Variants in BFSP2 observed in about 807,000 individuals in gnomAD.
The protein encoded by BFSP2 is beaded filament structural protein 2.
In BFSP2, 38 loss-of-function variants were observed where a neutral mutation model predicts 44.9. The ratio of observed to expected loss-of-function variants is 0.85; its 90% CI spans 0.65 to 1.11. BFSP2 has a LOEUF of 1.11. Among genes scored for constraint, BFSP2 ranks in the 50% least tolerant of loss-of-function variants. The probability of loss-of-function intolerance (pLI) is 0.00; values close to 1 mark genes in which losing one functional copy is unlikely to be tolerated. For missense variants in BFSP2, 525 were observed against 533.0 expected, an observed-to-expected ratio of 0.99 and a Z score of 0.15; for synonymous variants, 197 against 209.9, an observed-to-expected ratio of 0.94 and a Z score of 0.53.
intron 1 of BFSP2, among the ~76,000 whole-genome samples, chr3:133,414,941 A>C (rs1215238706): frequency 5.4e-3 from 157 of 28,914 alleles, no homozygotes; most frequent in East Asian, 7.6e-3. Context: ...TCACCCCTCT[A>C]CTCACCCTGC....
intron 1 of BFSP2, among the ~76,000 whole-genome samples, chr3:133,413,899 C>T (rs1391787561): frequency 1.3e-5 from 2 of 151,870 alleles, no homozygotes; most frequent in African/African-American, 4.8e-5. Flanking sequence ...AGTTAGAAAG[C>T]CCCCGCATTT....
At chr3:133,423,565 CG>C (rs1232649017) in intron 1 of BFSP2, among the ~76,000 whole-genome samples, 5 of 5,656 alleles carry the variant, frequency 8.8e-4, no homozygotes, top group Admixed American at 5.1e-3. Flanking sequence ...GGGGAGGCGG[CG>C]GGGGCGGGGG....
intron 4 of BFSP2, among the ~76,000 whole-genome samples, chr3:133,457,901 G>C (rs2074026735): frequency 6.6e-6 from 1 of 152,176 alleles, no homozygotes; most frequent in Non-Finnish European, 1.5e-5. Context: ...CTACTGCTGG[G>C]CACTGAGGGT....
intron 5 of BFSP2, among the ~76,000 whole-genome samples, 176 bp from the exon 6 acceptor site, chr3:133,472,169 A>G (rs1449696847): frequency 2.0e-5 from 3 of 151,436 alleles, no homozygotes; most frequent in Non-Finnish European, 1.5e-5. Context: ...GGGATTCCTT[A>G]TTTTTCCCAC....
At chr3:133,425,765 G>A (rs1185489618) in intron 1 of BFSP2, among the ~76,000 whole-genome samples, 5 of 59,660 alleles carry the variant, frequency 8.4e-5, no homozygotes, top group African/African-American at 1.3e-4. Context: ...ACAAAGGGAT[G>A]GGAAAGGGAA....
At chr3:133,422,796 A>ATAGCCCAGGTGTTGCCAAACG (rs1160394463) in intron 1 of BFSP2, among the ~76,000 whole-genome samples, 2 of 150,486 alleles carry the variant, frequency 1.3e-5, no homozygotes, top group African/African-American at 2.4e-5. Context: ...GTTGCCAAAT[A>ATAGCCCAGGTGTTGCCAAACG]GCAGGGTAGG....
In BFSP2 at chr3:133,447,368, A is replaced by G. The variant is rs771716007; in HGVS notation, c.541A>G (p.Ile181Val). The G allele has an allele frequency of 3.1e-6, 5 of 1,613,998 alleles. No individual in the cohort carries two copies. Among genetic ancestry groups the G allele is most frequent in the Non-Finnish European group, 4.2e-6 (5 of 1,179,976 alleles). ...NARLMLQTET[I>V]QAGADDFKER... ...CCGGCTCATGCTGCAGACAGAAACT[A>G]TCCAGGCCGGAGCAGATGACTTTAA... Residue 181 changes from isoleucine (I) to valine (V), a missense_variant, in exon 2 of 7, where the codon ATC (isoleucine) becomes GTC (valine). Physicochemically the swap from Ile to Val is conservative, Grantham distance 29. Coordinates refer to ENST00000302334, the MANE Select transcript of BFSP2 (RefSeq NM_003571.4).
At chr3:133,462,736 C>T (rs997243314) in intron 4 of BFSP2, among the ~76,000 whole-genome samples, 7 of 152,210 alleles carry the variant, frequency 4.6e-5, no homozygotes, top group Non-Finnish European at 1.0e-4. Flanking sequence ...ACACCTATAA[C>T]TTCAGCATGA....
intron 4 of BFSP2, among the ~76,000 whole-genome samples, chr3:133,465,001 CTT>C (rs71136470): frequency 2.3e-4 from 30 of 132,066 alleles, no homozygotes; most frequent in South Asian, 1.5e-3. Context: ...CTTGGGGTTT[CTT>C]TTTTTTTTTT....
At chr3:133,431,676 G>A (rs1320339822) in intron 1 of BFSP2, among the ~76,000 whole-genome samples, 2 of 152,064 alleles carry the variant, frequency 1.3e-5, no homozygotes, top group Non-Finnish European at 2.9e-5. Context: ...CGGAGGGTAA[G>A]TCCATCCCCT....
At chr3:133,424,236 T>G (rs1363016882) in intron 1 of BFSP2, among the ~76,000 whole-genome samples, 123,230 of 145,522 alleles carry the variant, frequency 0.85, 52,489 homozygotes, top group Middle Eastern at 0.94. Flanking sequence ...TTTTTTTTTT[T>G]TTTTTGTATT....
chr3:133,436,695 T>C (rs1285884487), intron 1 of BFSP2, among the ~76,000 whole-genome samples: 5 of 152,198 alleles, frequency 3.3e-5, no homozygotes, highest in Non-Finnish European at 7.3e-5. Context: ...CATGTTGGTG[T>C]GCTGCACCCA....
intron 5 of BFSP2, among the ~76,000 whole-genome samples, chr3:133,467,841 C>T (rs114978396): frequency 0.013 from 1,966 of 152,048 alleles, 15 homozygotes; most frequent in Non-Finnish European, 0.021. Context: ...GTCAATGAGG[C>T]GCATGATAGG....
At chr3:133,414,891 G>GCC (rs2073499859) in intron 1 of BFSP2, among the ~76,000 whole-genome samples, 1 of 88,340 alleles carries the variant, frequency 1.1e-5, no homozygotes, top group African/African-American at 4.6e-5. Flanking sequence ...ACTCATCCCT[G>GCC]TCCTCTCCCC....
chr3:133,454,006 G>T (rs1261842376), intron 4 of BFSP2, among the ~76,000 whole-genome samples: 1 of 152,116 alleles, frequency 6.6e-6, no homozygotes, highest in East Asian at 1.9e-4. Context: ...GGATCAGATT[G>T]GTCCAGAGAA....
intron 1 of BFSP2, among the ~76,000 whole-genome samples, chr3:133,404,047 C>T (rs996287098): frequency 2.0e-5 from 3 of 152,118 alleles, no homozygotes; most frequent in African/African-American, 7.2e-5. Context: ...CCAGGGTTGG[C>T]TCCATGGGTG....
chr3:133,405,371 T>G (rs2073395611), intron 1 of BFSP2, among the ~76,000 whole-genome samples: 1 of 152,204 alleles, frequency 6.6e-6, no homozygotes, highest in Non-Finnish European at 1.5e-5. Flanking sequence ...TTGACTATTT[T>G]TCCTGCTGTT....
chr3:133,451,973 G>A (rs1461598353), intron 4 of BFSP2, among the ~76,000 whole-genome samples: 1 of 152,176 alleles, frequency 6.6e-6, no homozygotes, highest in Non-Finnish European at 1.5e-5. Context: ...TCTGAGTTAA[G>A]GCAAAAGGCT....
At chr3:133,447,462 T>A in intron 2 of BFSP2, 63 bp downstream of exon 2, 1 of 1,527,126 alleles carries the variant, frequency 6.5e-7, no homozygotes, top group Non-Finnish European at 9.0e-7. Context: ...CAAGTGTGGA[T>A]AATGCTGTTC....
Sources: allele counts gnomAD v4.1 joint callset (sites outside exome capture counted in the v4.1 genomes callset), GRCh38; gene constraint gnomAD v4.1.1; transcripts MANE v1.5; gene names NCBI Gene and HGNC (gene_info 2026-07-23, HGNC 2026-07-21).